Variants in PRKG1 observed in about 807,000 individuals in gnomAD.
PRKG1 encodes cGMP-dependent protein kinase 1.
A neutral mutation model predicts 88.1 loss-of-function variants in PRKG1; 35 were observed. The observed-to-expected ratio is 0.40, with a 90% CI of 0.30 to 0.53. PRKG1 has a LOEUF of 0.53. Among genes scored for constraint, PRKG1 ranks in the 20% least tolerant of loss-of-function variants. The pLI, the probability that PRKG1 is intolerant of heterozygous loss-of-function variation, is 0.59. For synonymous variants in PRKG1, 303 were observed against 292.5 expected, an observed-to-expected ratio of 1.04 and a Z score of -0.37; for missense variants, 540 against 839.8, an observed-to-expected ratio of 0.64 and a Z score of 4.41.
At chr10:51,795,677 G>A (rs1462669110) in intron 3 of PRKG1, among the ~76,000 whole-genome samples, 5 of 152,064 alleles carry the variant, frequency 3.3e-5, no homozygotes, top group Non-Finnish European at 7.4e-5. Flanking sequence ...GACGAGTCAA[G>A]CATCAGTAAA....
At chr10:52,122,380 T>C (rs1016593484) in intron 7 of PRKG1, among the ~76,000 whole-genome samples, 3 of 152,222 alleles carry the variant, frequency 2.0e-5, no homozygotes, top group Non-Finnish European at 4.4e-5. Flanking sequence ...ACATAAATTC[T>C]GGGGGATACG....
chr10:52,292,275 C>T (rs1194309820), intron 17 of PRKG1, among the ~76,000 whole-genome samples: 2 of 151,512 alleles, frequency 1.3e-5, no homozygotes, highest in African/African-American at 2.4e-5. Context: ...AATTAGATCC[C>T]ATTTGTCAAT....
At chr10:51,642,452 C>T (rs1258253966) in intron 3 of PRKG1, among the ~76,000 whole-genome samples, 1 of 152,136 alleles carries the variant, frequency 6.6e-6, no homozygotes, top group African/African-American at 2.4e-5. Context: ...TCATTATGCA[C>T]CATTAGTCCT....
At chr10:52,054,601 G>T (rs749441869) in intron 6 of PRKG1, 40 bp downstream of exon 6, 8 of 1,578,854 alleles carry the variant, frequency 5.1e-6, no homozygotes, top group Non-Finnish European at 7.0e-6. Context: ...CACTAGGGGA[G>T]CCTGGGGTTG....
intron 2 of PRKG1, among the ~76,000 whole-genome samples, chr10:51,385,680 G>A (rs572063948): frequency 5.9e-4 from 90 of 152,274 alleles, no homozygotes; most frequent in Admixed American, 1.2e-3. Context: ...AAACAAACCA[G>A]TCCTTAAATC....
intron 3 of PRKG1, among the ~76,000 whole-genome samples, chr10:51,639,052 AT>A (rs899440654): frequency 6.6e-5 from 10 of 151,438 alleles, no homozygotes; most frequent in East Asian, 3.9e-4. Flanking sequence ...ATTGCTTTGG[AT>A]TTTTTTTTCA....
In PRKG1 at chr10:50,991,274, C is replaced by G. The variant is rs1012025143; in HGVS notation, c.-105C>G. On this transcript the variant is annotated 5_prime_UTR_variant, in exon 1 of 18. Coordinates refer to the PRKG1 transcript ENST00000401604. The surrounding 1 kb of genome is among the most constrained non-coding windows in gnomAD (Gnocchi z 4.5). ...CTCGAGTACTTAGCGCCCATTCACT[C>G]GCTCACCCGCGCTCTCCGCTGCCGG... The G allele has an allele frequency of 4.9e-6, 7 of 1,431,552 alleles. No individual in the cohort carries two copies. The South Asian group carries it at 8.7e-5, about 18-fold the overall frequency. 88.7% of individuals were successfully genotyped at this position (1,431,552 alleles called of 1,614,324 possible).
chr10:52,010,987 C>T (rs1266352466), intron 5 of PRKG1, among the ~76,000 whole-genome samples: 1 of 152,188 alleles, frequency 6.6e-6, no homozygotes, highest in Admixed American at 6.5e-5. Context: ...ATCTCCTTTA[C>T]TTGATTCAAG....
Position 52,155,673 on chromosome 10 carries a change from A to G in PRKG1, c.1002-6216A>G, listed in dbSNP as rs1445445636. On this transcript the variant is annotated intron_variant, in intron 8 of 17. Transcript: ENST00000373980. Reference sequence around the variant, plus strand: ...TAGCTCAAGATTGTAAAATTACAATACATCTTTTATCCCTTAGAGTTCTTT... The same window carrying G: ...TAGCTCAAGATTGTAAAATTACAATGCATCTTTTATCCCTTAGAGTTCTTT... Among the ~76,000 whole-genome samples, 3 of 151,658 alleles carry G rather than the reference A, an allele frequency of 2.0e-5. No homozygotes were observed. In the South Asian group the frequency reaches 6.2e-4, roughly 32 times the overall value.
At chr10:51,980,112 C>T (rs2454558) in intron 5 of PRKG1, among the ~76,000 whole-genome samples, 54,842 of 151,814 alleles carry the variant, frequency 0.36, 10,152 homozygotes, top group Middle Eastern at 0.42. Context: ...TTCATGTGAG[C>T]ATTTAGTGCT....
At chr10:52,003,378 TC>T (rs34272193) in intron 5 of PRKG1, among the ~76,000 whole-genome samples, 18,477 of 152,228 alleles carry the variant, frequency 0.12, 1,130 homozygotes, top group South Asian at 0.14. Flanking sequence ...AATTCCATTC[TC>T]CTTTGCAAAT....
intron 9 of PRKG1, among the ~76,000 whole-genome samples, chr10:52,209,584 A>G (rs1222581826): frequency 6.6e-6 from 1 of 152,176 alleles, no homozygotes. Context: ...ACCTTTTTTC[A>G]CAAAAAATAT....
intron 1 of PRKG1, among the ~76,000 whole-genome samples, chr10:51,136,573 T>TA (rs1369721326): frequency 2.5e-5 from 2 of 79,290 alleles, no homozygotes; most frequent in Non-Finnish European, 4.7e-5. Flanking sequence ...ATAGAGTTTT[T>TA]AGTGTGTGTG....
Position 52,257,784 on chromosome 10 carries a change from T to C in PRKG1, c.1173+6118T>C, listed in dbSNP as rs145415852. Among the ~76,000 whole-genome samples, 2 of 139,880 alleles carry C rather than the reference T, an allele frequency of 1.4e-5. 1 individual carries two copies. Among genetic ancestry groups the C allele is most frequent in the Admixed American group, 1.5e-4 (2 of 13,344 alleles). 91.8% of individuals were successfully genotyped at this position (139,880 alleles called of 152,430 possible). ...GACAAAAATTATTAACTCTAATAAA[T>C]AGCACTCATTTCTCAGAAAATAAGT... On this transcript the variant is annotated intron_variant, in intron 10 of 17. Coordinates refer to ENST00000373980, the MANE Select transcript of PRKG1 (RefSeq NM_006258.4).
intron 4 of PRKG1, among the ~76,000 whole-genome samples, chr10:51,879,474 TGTA>T: frequency 6.6e-6 from 1 of 152,308 alleles, no homozygotes; most frequent in South Asian, 2.1e-4. Flanking sequence ...TATAAAGTGC[TGTA>T]AGAGCCTGAG....
At chr10:51,004,287 A>C (rs1442010046) in intron 1 of PRKG1, among the ~76,000 whole-genome samples, 1 of 152,124 alleles carries the variant, frequency 6.6e-6, no homozygotes, top group Non-Finnish European at 1.5e-5. Flanking sequence ...AACATGGAGA[A>C]ACCCCGTCTC....
chr10:51,092,944 A>G lies in PRKG1; in HGVS notation c.311+18043A>G, dbSNP rs1014768179. ...AAAGCAATTAGGAATTCAAAATATT[A>G]GAGATATACCTATGTATACACATAA... On this transcript the variant is annotated intron_variant, in intron 1 of 17. Coordinates refer to ENST00000373980, the MANE Select transcript of PRKG1 (RefSeq NM_006258.4). Among the ~76,000 whole-genome samples, 11 of 152,198 alleles carry G rather than the reference A, an allele frequency of 7.2e-5. No homozygotes were observed. The South Asian group carries it at 1.9e-3, about 26-fold the overall frequency.
chr10:51,694,871 G>A (rs1841245966), intron 3 of PRKG1, among the ~76,000 whole-genome samples: 1 of 152,176 alleles, frequency 6.6e-6, no homozygotes, highest in South Asian at 2.1e-4. Context: ...ATATTGGAAT[G>A]TTCAATGATT....
intron 9 of PRKG1, among the ~76,000 whole-genome samples, chr10:52,184,518 T>C (rs1244636365): frequency 6.6e-6 from 1 of 152,160 alleles, no homozygotes. Flanking sequence ...CCTTTTACTA[T>C]TTTTTGTAAT....
Sources: gnomAD v4.1 joint callset for allele counts (sites outside exome capture counted in the v4.1 genomes callset) on GRCh38, gnomAD v4.1.1 for gene constraint, Gnocchi (gnomAD v3.1) non-coding constraint, MANE v1.5 for transcripts, NCBI Gene and HGNC (gene_info 2026-07-23, HGNC 2026-07-21) for gene names.